Variants in CRYBG3 observed in about 807,000 individuals in gnomAD.
The protein encoded by CRYBG3 is very large A-kinase anchor protein.
CRYBG3 carries 127 observed loss-of-function variants against 244.2 expected under a neutral mutation model. That is an observed-to-expected ratio of 0.52 (90% CI 0.45 to 0.60). CRYBG3 has a LOEUF of 0.60. CRYBG3 is among the 20% of genes least tolerant of loss of function. The probability of loss-of-function intolerance (pLI) is 0.00; values close to 1 mark genes in which losing one functional copy is unlikely to be tolerated. For synonymous variants in CRYBG3, 1,132 were observed against 1,195.8 expected (o/e 0.95, Z 1.10); for missense variants, 3,325 against 3,442.5 (o/e 0.97, Z 0.85).
At chr3:97,831,000 G>A (rs891038394) in intron 1 of CRYBG3, among the ~76,000 whole-genome samples, 1 of 152,144 alleles carries the variant, frequency 6.6e-6, no homozygotes, top group Non-Finnish European at 1.5e-5. Flanking sequence ...ATTTGGGGAT[G>A]TGAGTTCACT....
rs538931875 is a variant in CRYBG3, at chr3:97,830,726, T to G, written c.149+8371T>G. On this transcript the variant is annotated intron_variant, in intron 1 of 21. Transcript: ENST00000389622. ...TGGACCTATTTTTGTGATTCATTTT[T>G]TCTTTGTGAATTTTGAAATCTCTCT... 3.3e-5 allele frequency among the ~76,000 whole-genome samples: 5 copies of G among 152,300 alleles called. No homozygotes were observed. In the South Asian group the frequency reaches 1.0e-3, roughly 32 times the overall value.
chr3:97,880,789 A>G (rs1470300581), intron 6 of CRYBG3, among the ~76,000 whole-genome samples: 1 of 152,270 alleles, frequency 6.6e-6, no homozygotes, highest in Non-Finnish European at 1.5e-5. Flanking sequence ...TATAGACCAC[A>G]TCTATAAAGA....
intron 1 of CRYBG3, among the ~76,000 whole-genome samples, chr3:97,823,611 A>G (rs1382806684): frequency 6.6e-6 from 1 of 152,226 alleles, no homozygotes; most frequent in East Asian, 1.9e-4. Flanking sequence ...GAAGTTAAAA[A>G]TAGTTTTTAA....
chr3:97,847,104 T>G (rs1429593250), intron 2 of CRYBG3, among the ~76,000 whole-genome samples: 1 of 151,988 alleles, frequency 6.6e-6, no homozygotes, highest in Non-Finnish European at 1.5e-5. Context: ...GAGAACTCAC[T>G]CACTATTGCA....
rs890802054 is a variant in CRYBG3, at chr3:97,944,553, C to T, written c.*1239C>T. The T allele has an allele frequency of 3.3e-5, 5 of 152,238 alleles. No individual in the cohort carries two copies. Among genetic ancestry groups the T allele is most frequent in the African/African-American group, 1.2e-4 (5 of 41,378 alleles). The allele number at this position is 152,238 out of a possible 1,614,324, so 9.4% of individuals were successfully genotyped here. The stretch of plus-strand genomic sequence containing the variant: ...AATGACTATTTTAAACTCGAAGACC[C>T]ACTATTTTGAGTATTTTTTATAGAC... On this transcript the variant is annotated 3_prime_UTR_variant, in exon 22 of 22. Coordinates refer to ENST00000389622, the MANE Select transcript of CRYBG3 (RefSeq NM_153605.4).
At chr3:97,841,511 C>G (rs2038818184) in intron 1 of CRYBG3, among the ~76,000 whole-genome samples, 1 of 151,762 alleles carries the variant, frequency 6.6e-6, no homozygotes, top group Non-Finnish European at 1.5e-5. Context: ...ATTTTTTGAC[C>G]ATGACCATTT....
At chr3:97,827,769 G>C (rs979755184) in intron 1 of CRYBG3, among the ~76,000 whole-genome samples, 2 of 131,782 alleles carry the variant, frequency 1.5e-5, no homozygotes, top group South Asian at 5.3e-4. Context: ...GCTTCAAGAG[G>C]TTCAGTAGGT....
At chr3:97,884,801 C>A (rs764509948) in intron 7 of CRYBG3, among the ~76,000 whole-genome samples, 1 of 152,236 alleles carries the variant, frequency 6.6e-6, no homozygotes, top group South Asian at 2.1e-4. Flanking sequence ...TAACAGCAAA[C>A]ATATGCCTTC....
intron 6 of CRYBG3, among the ~76,000 whole-genome samples, chr3:97,880,569 G>T (rs1450331839): frequency 6.6e-6 from 1 of 152,200 alleles, no homozygotes; most frequent in African/African-American, 2.4e-5. Context: ...ATTTATTATG[G>T]ACCATGACCC....
chr3:97,909,178 A>C (rs2108247923), intron 15 of CRYBG3, among the ~76,000 whole-genome samples: 1 of 150,536 alleles, frequency 6.6e-6, no homozygotes, highest in East Asian at 2.0e-4. Context: ...GCTGCCCTTA[A>C]CATTTTTTCC....
Position 97,873,805 on chromosome 3 carries a change from A to C in CRYBG3, c.2611A>C (p.Ile871Leu). 1 of 1,532,912 alleles carries C rather than the reference A, an allele frequency of 6.5e-7. No individual in the cohort carries two copies. The highest frequency in any genetic ancestry group is 8.7e-7 in the Non-Finnish European group (1 of 1,145,950). 95.0% of individuals were successfully genotyped at this position (1,532,912 alleles called of 1,614,324 possible). A position where few individuals can be genotyped will look rare whatever the true frequency, so the allele number is the denominator to read the frequency against. The change falls in exon 4 of 22, where the codon ATT (isoleucine) becomes CTT (leucine). Residue 871 changes from isoleucine to leucine, a missense_variant. Physicochemically the swap from Ile to Leu is conservative, Grantham distance 5. Coordinates refer to ENST00000389622, the MANE Select transcript of CRYBG3 (RefSeq NM_153605.4). ...LKITHVPEKP[I>L]LSELTFLEVE... ...AATTACCCATGTTCCAGAAAAGCCT[A>C]TTTTGTCAGAATTAACCTTTCTAGA...
chr3:97,822,601 C>G (rs1173321538), intron 1 of CRYBG3, among the ~76,000 whole-genome samples: 1 of 152,184 alleles, frequency 6.6e-6, no homozygotes, highest in Non-Finnish European at 1.5e-5. Context: ...GCATATCCCC[C>G]GATCCCCGCC....
intron 17 of CRYBG3, among the ~76,000 whole-genome samples, chr3:97,927,056 A>G (rs907136452): frequency 1.3e-5 from 2 of 152,140 alleles, no homozygotes; most frequent in South Asian, 2.1e-4. Flanking sequence ...CAGAATTAGA[A>G]AAAAGCTATT....
intron 7 of CRYBG3, among the ~76,000 whole-genome samples, chr3:97,883,759 A>G (rs992217218): frequency 6.6e-6 from 1 of 152,158 alleles, no homozygotes; most frequent in African/African-American, 2.4e-5. Flanking sequence ...TTGTTTAAAT[A>G]TTTTACAAAG....
In CRYBG3 at chr3:97,915,620, TATTACCAAGAAGAC is replaced by T; in HGVS notation, c.8128_8141del (p.Tyr2710ValfsTer3). ...CTGCTTGGCTTTTAGCTGGCTCCTC[TATTACCAAGAAGAC>T]ATGTTTGTTAATCACTGTGTGTTAG... On this transcript the variant is annotated frameshift_variant, in exon 17 of 22. Transcript: ENST00000389622. LOFTEE classifies it high-confidence loss of function. 6.2e-7 allele frequency: 1 copy of T among 1,610,486 alleles called. No homozygotes were observed. Among genetic ancestry groups the T allele is most frequent in the Non-Finnish European group, 8.5e-7 (1 of 1,177,428 alleles).
In CRYBG3 at chr3:97,832,145, A is replaced by G. The variant is rs186647692; in HGVS notation, c.149+9790A>G. Among the ~76,000 whole-genome samples the G allele has an allele frequency of 3.3e-3, 495 of 151,796 alleles. 3 individuals are homozygous for G. The highest frequency in any genetic ancestry group is 0.011 in the African/African-American group (462 of 41,420). ...GGCCATACTGACCAAAGTAATTTATAGATTCAATGCTATTGCCATCAAGCT... is the reference window on the plus strand; with the variant it reads ...GGCCATACTGACCAAAGTAATTTATGGATTCAATGCTATTGCCATCAAGCT... On this transcript the variant is annotated intron_variant, in intron 1 of 21. Coordinates refer to ENST00000389622, the MANE Select transcript of CRYBG3 (RefSeq NM_153605.4).
At position 97,829,479 on chromosome 3, in the gene CRYBG3, T is replaced by A. The variant is rs76544272; in HGVS notation, c.149+7124T>A. Among the ~76,000 whole-genome samples, 1,495 of 152,142 alleles carry A rather than the reference T, an allele frequency of 9.8e-3. 25 individuals are homozygous for A. The highest frequency in any genetic ancestry group is 0.034 in the African/African-American group (1,426 of 41,486). On this transcript the variant is annotated intron_variant, in intron 1 of 21. Coordinates refer to ENST00000389622, the MANE Select transcript of CRYBG3 (RefSeq NM_153605.4). ...AGTCTTTAGTGATAAATCAAGGGAGTTGGTTTTCATCTCTAAGGTCTCTCT... is the reference window on the plus strand; with the variant it reads ...AGTCTTTAGTGATAAATCAAGGGAGATGGTTTTCATCTCTAAGGTCTCTCT...
At position 97,878,032 on chromosome 3, in the gene CRYBG3, A is replaced by C. The variant is rs550393891; in HGVS notation, c.6838A>C (p.Ile2280Leu). Residue 2280 changes from isoleucine (I) to leucine (L), a missense_variant, in exon 4 of 22, where the codon ATA (isoleucine) becomes CTA (leucine). By Grantham distance (5) the Ile-to-Leu change is conservative (BLOSUM62 2). This residue lies in a region of CRYBG3 where 450 missense variants were observed against 424.1 expected (regional missense o/e 1.06). Coordinates refer to ENST00000389622, the MANE Select transcript of CRYBG3 (RefSeq NM_153605.4). ...CAGCCCAGGCAGATTGAGCCCATTT[A>C]TAGAGGTAAGTTATTTTGTTTATTG... ...QDSPGRLSPF[I>L]ENVDKQTLRC... 1 of 1,602,290 alleles carries C rather than the reference A, an allele frequency of 6.2e-7. No homozygotes were observed. The highest frequency in any genetic ancestry group is 8.5e-7 in the Non-Finnish European group (1 of 1,176,352).
chr3:97,933,727 C>T lies in CRYBG3; in HGVS notation c.8275C>T (p.Leu2759=), dbSNP rs770422571. ...AGAACCCTCCATCAGCCTTTTTGCT[C>T]TGGAGCATTGTGAGGGAAGAGAGTT... ...FEEPSISLFA[L]EHCEGRELHL... The change falls in exon 18 of 22, where the codon CTG becomes TTG. Residue 2759 remains leucine (L), a synonymous_variant. Coordinates refer to ENST00000389622, the MANE Select transcript of CRYBG3 (RefSeq NM_153605.4). 1 of 1,612,986 alleles carries T rather than the reference C, an allele frequency of 6.2e-7. No individual in the cohort carries two copies. The highest frequency in any genetic ancestry group is 2.2e-5 in the East Asian group (1 of 44,838).
Sources: allele counts gnomAD v4.1 joint callset (sites outside exome capture counted in the v4.1 genomes callset), GRCh38; gene constraint gnomAD v4.1.1; regional missense constraint gnomAD v4.1.1; transcripts MANE v1.5; gene names NCBI Gene and HGNC (gene_info 2026-07-23, HGNC 2026-07-21).